The following BDNF variants were observed in gnomAD, a reference collection of about 807,000 sequenced individuals.
BDNF encodes the protein neurotrophic factor BDNF precursor form.
In BDNF, 1 loss-of-function variant was observed where a neutral mutation model predicts 19.5. That is an observed-to-expected ratio of 0.05 (90% CI 0.02 to 0.24). The LOEUF is 0.24. Ranked by LOEUF, BDNF falls within the 10% of genes least tolerant of loss-of-function variation. BDNF has a pLI of 1.00. For missense variants in BDNF, 195 were observed against 317.6 expected (o/e 0.61, Z 2.93); for synonymous variants, 100 against 121.6 (o/e 0.82, Z 1.17).
intron 1 of BDNF, among the ~76,000 whole-genome samples, chr11:27,709,453 T>C (rs1036785312): frequency 3.3e-5 from 5 of 152,244 alleles, no homozygotes; most frequent in Admixed American, 2.0e-4. Flanking sequence ...TATTAAAGTG[T>C]TGTTATGCTT....
intron 1 of BDNF, among the ~76,000 whole-genome samples, chr11:27,685,301 A>G (rs1045666320): frequency 4.6e-5 from 7 of 151,684 alleles, no homozygotes; most frequent in African/African-American, 1.7e-4. Context: ...TTCTTTATCA[A>G]TCTGGCTAGC....
chr11:27,695,465 G>A (rs1337464149), intron 1 of BDNF, among the ~76,000 whole-genome samples: 8 of 152,126 alleles, frequency 5.3e-5, no homozygotes, highest in Admixed American at 4.6e-4. Flanking sequence ...GCAGAGGCAT[G>A]TCAAAAACAC....
chr11:27,719,664 G>A (rs1212601478), intron 1 of BDNF: 9 of 983,010 alleles, frequency 9.2e-6, no homozygotes, highest in Non-Finnish European at 1.1e-5. Context: ...CCAGAAAGAA[G>A]CATCCAGCGA....
At position 27,657,116 on chromosome 11, in the gene BDNF, C is replaced by T. The variant is rs1208264473; in HGVS notation, c.*705G>A. 1.4e-5 allele frequency: 14 copies of T among 984,964 alleles called. No individual in the cohort carries two copies. The Middle Eastern group carries it at 1.5e-3, about 109-fold the overall frequency. 61.0% of individuals were successfully genotyped at this position (984,964 alleles called of 1,614,324 possible). A position where few individuals can be genotyped will look rare whatever the true frequency, so the allele number is the denominator to read the frequency against. Reference sequence around the variant, plus strand: ...AGTTGCCTTAATTTTTATTCACTTTCTAGTCATCTGATCGATATTGCAAAC... The same window carrying T: ...AGTTGCCTTAATTTTTATTCACTTTTTAGTCATCTGATCGATATTGCAAAC... On this transcript the variant is annotated 3_prime_UTR_variant, in exon 2 of 2. Coordinates refer to ENST00000356660, the MANE Select transcript of BDNF (RefSeq NM_001709.5). This position sits in a 1 kb window ranked among gnomAD's most constrained non-coding sequence, Gnocchi z 5.0.
intron 1 of BDNF, among the ~76,000 whole-genome samples, chr11:27,693,944 TACAC>T (rs1209081125): frequency 6.6e-6 from 1 of 152,136 alleles, no homozygotes; most frequent in Non-Finnish European, 1.5e-5. Context: ...TATATGTGCA[TACAC>T]ACACACGCAC....
chr11:27,668,219 A>G (rs1015907754), intron 1 of BDNF, among the ~76,000 whole-genome samples: 6 of 152,214 alleles, frequency 3.9e-5, no homozygotes, highest in African/African-American at 7.2e-5. Context: ...TTTGAAACCA[A>G]TGAGAACAAA....
chr11:27,699,730 C>G, intron 1 of BDNF: 1 of 1,355,706 alleles, frequency 7.4e-7, no homozygotes, highest in East Asian at 2.9e-5. Context: ...CCCCGCAAGT[C>G]GGCGCGGGGA....
At position 27,693,510 on chromosome 11, in the gene BDNF, C is replaced by T. The variant is rs145801169; in HGVS notation, c.-22+6654G>A. 1.7e-3 allele frequency among the ~76,000 whole-genome samples: 264 copies of T among 152,254 alleles called. 1 individual carries two copies. Among genetic ancestry groups the T allele is most frequent in the African/African-American group, 6.1e-3 (253 of 41,534 alleles). On this transcript the variant is annotated intron_variant, in intron 1 of 1. Coordinates refer to ENST00000356660, the MANE Select transcript of BDNF (RefSeq NM_001709.5). The stretch of plus-strand genomic sequence containing the variant: ...CTGGCTTTATGTTTCATATGATAAG[C>T]ATATCGTCTGTGCCTTCAGACACAT...
At chr11:27,699,516 G>A in intron 1 of BDNF, 1 of 1,610,664 alleles carries the variant, frequency 6.2e-7, no homozygotes, top group Non-Finnish European at 8.5e-7. Context: ...GCGCAGGATG[G>A]GTAGAGATGT....
chr11:27,719,921 C>G (rs1034348309), intron 1 of BDNF, among the ~76,000 whole-genome samples: 15 of 152,128 alleles, frequency 9.9e-5, no homozygotes, highest in Non-Finnish European at 2.2e-4. Context: ...CCACCGCACA[C>G]CACCTCCACC....
At chr11:27,678,184 G>C (rs2133942103) in intron 1 of BDNF, among the ~76,000 whole-genome samples, 1 of 152,242 alleles carries the variant, frequency 6.6e-6, no homozygotes, top group South Asian at 2.1e-4. Context: ...ATATGATGAG[G>C]ACACGTATAC....
intron 1 of BDNF, among the ~76,000 whole-genome samples, chr11:27,717,521 A>G (rs1382121629): frequency 6.6e-6 from 1 of 152,214 alleles, no homozygotes; most frequent in Admixed American, 6.5e-5. Context: ...TCTCATCTGA[A>G]TCAATACTGG....
At chr11:27,680,220 T>C (rs1436199540) in intron 1 of BDNF, among the ~76,000 whole-genome samples, 1 of 152,094 alleles carries the variant, frequency 6.6e-6, no homozygotes, top group Non-Finnish European at 1.5e-5. Flanking sequence ...AAACCAACAA[T>C]ACAGTGCAAT....
chr11:27,692,265 A>G (rs1858394745), intron 1 of BDNF, among the ~76,000 whole-genome samples: 1 of 152,212 alleles, frequency 6.6e-6, no homozygotes, highest in Admixed American at 6.5e-5. Context: ...GGCACTTCAG[A>G]AAATACCTTA....
At chr11:27,718,618 T>G (rs1452744800) in intron 1 of BDNF, among the ~76,000 whole-genome samples, 1 of 128,738 alleles carries the variant, frequency 7.8e-6, no homozygotes, top group African/African-American at 2.9e-5. Context: ...AGAAAACGAC[T>G]GGATCTCGGA....
At chr11:27,661,389 A>C (rs557838094) in intron 1 of BDNF, among the ~76,000 whole-genome samples, 40 of 152,224 alleles carry the variant, frequency 2.6e-4, no homozygotes, top group Non-Finnish European at 4.9e-4. Context: ...CAAGTTTGAC[A>C]ATATATTTCC....
At chr11:27,706,733 G>A (rs1438865246) in intron 1 of BDNF, among the ~76,000 whole-genome samples, 1 of 152,150 alleles carries the variant, frequency 6.6e-6, no homozygotes. Context: ...CAGGAGTCAT[G>A]AATTATCTGG....
chr11:27,666,002 C>T (rs1564950532), intron 1 of BDNF, among the ~76,000 whole-genome samples: 1 of 152,226 alleles, frequency 6.6e-6, no homozygotes, highest in Non-Finnish European at 1.5e-5. Context: ...AGTAGCCTAA[C>T]TGGGAGGCAC....
chr11:27,664,821 C>T (rs528660640), intron 1 of BDNF, among the ~76,000 whole-genome samples: 6 of 152,132 alleles, frequency 3.9e-5, no homozygotes, highest in East Asian at 1.9e-4. Context: ...TGAAGGCTCC[C>T]GATAGCCAGA....
Sources: allele counts gnomAD v4.1 joint callset (sites outside exome capture counted in the v4.1 genomes callset), GRCh38; gene constraint gnomAD v4.1.1; non-coding constraint Gnocchi (gnomAD v3.1); transcripts MANE v1.5; gene names NCBI Gene and HGNC (gene_info 2026-07-23, HGNC 2026-07-21).